Variants in FBXO31 observed in about 807,000 individuals in gnomAD.
FBXO31 encodes F-box only protein 31.
In FBXO31, 24 loss-of-function variants were observed where a neutral mutation model predicts 54.4. That is an observed-to-expected ratio of 0.44 (90% CI 0.32 to 0.62). The LOEUF (loss-of-function observed/expected upper bound fraction) is 0.62, where lower values mean the gene tolerates loss of function less well. Ranked by LOEUF, FBXO31 falls within the 20% of genes least tolerant of loss-of-function variation. The pLI, the probability that FBXO31 is intolerant of heterozygous loss-of-function variation, is 0.05. For missense variants in FBXO31, 665 were observed against 787.1 expected (o/e 0.84, Z 1.86); for synonymous variants, 388 against 335.6 (o/e 1.16, Z -1.71).
At chr16:87,371,038 G>A (rs1297716565) in intron 1 of FBXO31, among the ~76,000 whole-genome samples, 1 of 152,186 alleles carries the variant, frequency 6.6e-6, no homozygotes, top group Non-Finnish European at 1.5e-5. Context: ...CCACCAGCCT[G>A]ACTGCATGGA....
At chr16:87,364,243 G>C (rs987133530) in intron 1 of FBXO31, among the ~76,000 whole-genome samples, 1 of 152,210 alleles carries the variant, frequency 6.6e-6, no homozygotes, top group Non-Finnish European at 1.5e-5. Flanking sequence ...ACGCCTCACC[G>C]CACAGGAGGG....
chr16:87,385,351 G>A (rs758008224), upstream of FBXO31, among the ~76,000 whole-genome samples: 96 of 151,954 alleles, frequency 6.3e-4, no homozygotes, highest in Non-Finnish European at 1.2e-3. Context: ...CCAGCTACTC[G>A]GGAGGCTGAG....
At chr16:87,373,154 G>A (rs889270905) in intron 1 of FBXO31, among the ~76,000 whole-genome samples, 13 of 150,944 alleles carry the variant, frequency 8.6e-5, no homozygotes, top group Non-Finnish European at 1.8e-4. Flanking sequence ...ACAACACCCA[G>A]CCAATTCCTG....
rs768810993 is a variant in FBXO31 at position 87,339,476 on chromosome 16, C to T, written c.733-3212G>A. Among the ~76,000 whole-genome samples the T allele has an allele frequency of 2.3e-4, 35 of 152,210 alleles. 1 individual carries two copies. The highest frequency in any genetic ancestry group is 2.1e-4 in the South Asian group (1 of 4,830). On this transcript the variant is annotated intron_variant, in intron 5 of 8. Coordinates refer to ENST00000311635, the MANE Select transcript of FBXO31 (RefSeq NM_024735.5). ...CTGTGGGAGCAGGTGACAAGCCCCA[C>T]AGGAGGGCGCAGCCAGTGCAGCCCC... is the stretch of plus-strand genomic sequence containing the variant.
rs1213483784 is a variant in FBXO31, at chr16:87,358,317, A to G, written c.412+1978T>C. 6.6e-6 allele frequency: 1 copy of G among 152,648 alleles called. No individual in the cohort carries two copies. The allele number at this position is 152,648 out of a possible 1,614,324, so 9.5% of individuals were successfully genotyped here. A position where few individuals can be genotyped will look rare whatever the true frequency, so the allele number is the denominator to read the frequency against. ...CACGAGGTCCGCTTGCTCCAGGACCAAAGCTGTCCCATGTGTGAATCAGAG... is the reference window on the plus strand; with the variant it reads ...CACGAGGTCCGCTTGCTCCAGGACCGAAGCTGTCCCATGTGTGAATCAGAG... On this transcript the variant is annotated intron_variant, in intron 2 of 8. Coordinates refer to ENST00000311635, the MANE Select transcript of FBXO31 (RefSeq NM_024735.5). The surrounding 1 kb of genome is among the most constrained non-coding windows in gnomAD (Gnocchi z 4.0).
chr16:87,358,509 C>T lies in FBXO31; in HGVS notation c.412+1786G>A, dbSNP rs1905996532. The T allele has an allele frequency of 6.5e-6, 1 of 152,696 alleles. No homozygotes were observed. The highest frequency in any genetic ancestry group is 1.5e-5 in the Non-Finnish European group (1 of 68,080). The allele number at this position is 152,696 out of a possible 1,614,324, so 9.5% of individuals were successfully genotyped here. ...GCGAGGGTTTATACCTGAACAGACA[C>T]AGCAGGGAAAGGGCTAAGGATGGCT... On this transcript the variant is annotated intron_variant, in intron 2 of 8. Coordinates refer to ENST00000311635, the MANE Select transcript of FBXO31 (RefSeq NM_024735.5). This position sits in a 1 kb window ranked among gnomAD's most constrained non-coding sequence, Gnocchi z 4.0.
rs756876706 is a variant in FBXO31, at chr16:87,336,227, G to A, written c.770C>T (p.Thr257Met). The change falls in exon 6 of 9, where the codon ACG becomes ATG. Residue 257 changes from threonine (T) to methionine (M), a missense_variant. By Grantham distance (81) the Thr-to-Met change is moderately conservative. Transcript: ENST00000311635. This position sits in a 1 kb window ranked among gnomAD's most constrained non-coding sequence, Gnocchi z 6.5. ...GTGCTCGTGGAAGATGTCCTCCAGC[G>A]TGCGCCCCCATTCCTCCCTCAGCCA... ...RTWLREEWGR[T>M]LEDIFHEHMQ... 3 of 1,614,180 alleles carry A rather than the reference G, an allele frequency of 1.9e-6. No homozygotes were observed. The highest frequency in any genetic ancestry group is 1.1e-5 in the South Asian group (1 of 91,082).
intron 1 of FBXO31, among the ~76,000 whole-genome samples, chr16:87,365,010 A>AATATATATATATAT (rs55746745): frequency 0.019 from 913 of 47,598 alleles, 127 homozygotes; most frequent in South Asian, 0.053. Flanking sequence ...CCGTCTCTTA[A>AATATATATATATAT]ATATATATAT....
upstream of FBXO31, among the ~76,000 whole-genome samples, chr16:87,386,940 C>A (rs772535029): frequency 6.6e-6 from 1 of 151,942 alleles, no homozygotes; most frequent in Non-Finnish European, 1.5e-5. Flanking sequence ...AGACAGACAG[C>A]AAGAATAATG....
upstream of FBXO31, chr16:87,384,259 G>A (rs1907247055): frequency 6.6e-6 from 1 of 152,308 alleles, no homozygotes; most frequent in African/African-American, 2.4e-5. Flanking sequence ...ACCCCAAAGG[G>A]CGCCTAGAAG....
chr16:87,349,908 C>CAAA (rs11305127), intron 2 of FBXO31, among the ~76,000 whole-genome samples: 2 of 143,024 alleles, frequency 1.4e-5, no homozygotes, highest in Non-Finnish European at 3.0e-5. Flanking sequence ...GACCCTATCT[C>CAAA]AAAAAAAAAA....
chr16:87,364,133 C>G (rs1373690561), intron 1 of FBXO31, among the ~76,000 whole-genome samples: 1 of 152,148 alleles, frequency 6.6e-6, no homozygotes, highest in African/African-American at 2.4e-5. Context: ...AAGTGATCAC[C>G]GGAGTCCAGA....
Position 87,343,782 on chromosome 16 carries a change from G to C in FBXO31, c.490-17C>G, listed in dbSNP as rs1266752721. ...GCCGTCCACCTACAGGAGGAGATGG[G>C]CAAAGGTCCATGAGTGGCTCCCGGG... On this transcript the variant is annotated splice_polypyrimidine_tract_variant and intron_variant, in intron 3 of 8. Coordinates refer to ENST00000311635, the MANE Select transcript of FBXO31 (RefSeq NM_024735.5). 4.3e-6 allele frequency: 7 copies of C among 1,613,594 alleles called. No individual in the cohort carries two copies. In the Admixed American group the frequency reaches 5.0e-5, roughly 12 times the overall value.
At chr16:87,350,012 C>T (rs75486541) in intron 2 of FBXO31, among the ~76,000 whole-genome samples, 18,792 of 152,156 alleles carry the variant, frequency 0.12, 1,536 homozygotes, top group South Asian at 0.35. Context: ...TCCCATCACT[C>T]AGAGACCACA....
At chr16:87,390,333 G>A (rs905607551), upstream of FBXO31, among the ~76,000 whole-genome samples, 2 of 152,142 alleles carry the variant, frequency 1.3e-5, no homozygotes, top group Non-Finnish European at 2.9e-5. Context: ...TACAACTAAC[G>A]TCATTCTTCT....
At position 87,360,618 on chromosome 16, in the gene FBXO31, T is replaced by C. The variant is rs573798743; in HGVS notation, c.341-252A>G. Among the ~76,000 whole-genome samples the C allele has an allele frequency of 3.9e-5, 6 of 152,382 alleles. No individual in the cohort carries two copies. The South Asian group carries it at 1.2e-3, about 32-fold the overall frequency. On this transcript the variant is annotated intron_variant, in intron 1 of 8. Transcript: ENST00000311635. The stretch of plus-strand genomic sequence containing the variant: ...TAATAATCTGCAATGTCTATTCTAA[T>C]AAGCTCTAGAAGCCTAACCACACAA...
intron 7 of FBXO31, 47 bp from the exon 8 acceptor site, chr16:87,334,333 CAGT>C: frequency 6.7e-7 from 1 of 1,482,886 alleles, no homozygotes; most frequent in Non-Finnish European, 9.1e-7. Context: ...GCAGCAGCAG[CAGT>C]ACCACTGTGT....
chr16:87,346,917 G>A lies in FBXO31; in HGVS notation c.489+257C>T, dbSNP rs1254949257. Among the ~76,000 whole-genome samples, 1 of 152,218 alleles carries A rather than the reference G, an allele frequency of 6.6e-6. No homozygotes were observed. The highest frequency in any genetic ancestry group is 1.5e-5 in the Non-Finnish European group (1 of 68,042). ...GGGCCTCAGCGTCCAGGAAGCAAAGGCCCTCACAAGCCACCCCCTCAGACC... is the reference window on the plus strand; with the variant it reads ...GGGCCTCAGCGTCCAGGAAGCAAAGACCCTCACAAGCCACCCCCTCAGACC... On this transcript the variant is annotated intron_variant, in intron 3 of 8. Coordinates refer to ENST00000311635, the MANE Select transcript of FBXO31 (RefSeq NM_024735.5). This position sits in a 1 kb window ranked among gnomAD's most constrained non-coding sequence, Gnocchi z 4.2.
chr16:87,385,950 G>T (rs1907313539), upstream of FBXO31: 1 of 152,078 alleles, frequency 6.6e-6, no homozygotes, highest in Admixed American at 6.5e-5. Context: ...GGTGGAGGTT[G>T]CAGTGAGCCG....
Sources: gnomAD v4.1 joint callset for allele counts (sites outside exome capture counted in the v4.1 genomes callset) on GRCh38, gnomAD v4.1.1 for gene constraint, Gnocchi (gnomAD v3.1) non-coding constraint, MANE v1.5 for transcripts, NCBI Gene and HGNC (gene_info 2026-07-23, HGNC 2026-07-21) for gene names.